Variants in ZFAND3 observed in about 807,000 individuals in gnomAD.
ZFAND3 encodes the protein AN1-type zinc finger protein 3.
Under a neutral mutation model 29.6 loss-of-function variants are expected in ZFAND3, and 10 were observed. The observed-to-expected ratio is 0.34, with a 90% confidence interval of 0.21 to 0.57. The LOEUF (loss-of-function observed/expected upper bound fraction) is 0.57. ZFAND3 is among the 20% of genes least tolerant of loss of function. The probability of loss-of-function intolerance (pLI) is 0.86; values close to 1 mark genes in which losing one functional copy is unlikely to be tolerated. For missense variants in ZFAND3, 230 were observed against 304.5 expected, an observed-to-expected ratio of 0.76 and a Z score of 1.82; for synonymous variants, 128 against 112.6, an observed-to-expected ratio of 1.14 and a Z score of -0.87.
At chr6:38,090,955 A>G (rs1764855606) in intron 4 of ZFAND3, among the ~76,000 whole-genome samples, 1 of 152,204 alleles carries the variant, frequency 6.6e-6, no homozygotes, top group Non-Finnish European at 1.5e-5. Context: ...AGCACAATGT[A>G]TAATGTGTCA....
rs372399890 is a variant in ZFAND3 at position 37,971,066 on chromosome 6, C to T, written c.112+41067C>T. On this transcript the variant is annotated intron_variant, in intron 2 of 5. Transcript: ENST00000287218. The stretch of plus-strand genomic sequence containing the variant: ...TGATGTTGATACAAGTGTATTTGTT[C>T]ACAGAGATTTGAGCATATTCCTTTC... Among the ~76,000 whole-genome samples, 5 of 152,266 alleles carry T rather than the reference C, an allele frequency of 3.3e-5. No homozygotes were observed. The East Asian group carries it at 7.7e-4, about 23-fold the overall frequency.
chr6:37,844,070 G>T (rs563104622), intron 1 of ZFAND3, among the ~76,000 whole-genome samples: 43 of 151,784 alleles, frequency 2.8e-4, no homozygotes, highest in Admixed American at 1.7e-3. Flanking sequence ...AGACCACCAC[G>T]CCTGGCTTTT....
At chr6:38,032,308 C>T (rs1763577155) in intron 2 of ZFAND3, among the ~76,000 whole-genome samples, 1 of 151,984 alleles carries the variant, frequency 6.6e-6, no homozygotes, top group East Asian at 1.9e-4. Flanking sequence ...GCTAAAAGGA[C>T]GTATTATAAT....
chr6:37,836,835 T>A (rs889916109), intron 1 of ZFAND3, among the ~76,000 whole-genome samples: 16 of 152,222 alleles, frequency 1.1e-4, no homozygotes, highest in Admixed American at 3.9e-4. Flanking sequence ...TTCTAGGTTC[T>A]GGCAGACAAG....
At chr6:37,894,292 GAA>G (rs1473997542) in intron 1 of ZFAND3, among the ~76,000 whole-genome samples, 1 of 152,088 alleles carries the variant, frequency 6.6e-6, no homozygotes, top group African/African-American at 2.4e-5. Flanking sequence ...CGAATAATTA[GAA>G]AAGTCTGTTT....
chr6:37,922,690 A>G (rs1451953633), intron 1 of ZFAND3, among the ~76,000 whole-genome samples: 1 of 152,226 alleles, frequency 6.6e-6, no homozygotes, highest in Non-Finnish European at 1.5e-5. Flanking sequence ...ACAAACCTGT[A>G]GAACATGTTA....
intron 1 of ZFAND3, among the ~76,000 whole-genome samples, chr6:37,852,717 CTTTTTTTTT>C (rs957782122): frequency 1.4e-5 from 2 of 138,252 alleles, no homozygotes; most frequent in Admixed American, 7.3e-5. Flanking sequence ...TTTTTCTTTT[CTTTTTTTTT>C]TTTTTTAAAG....
At chr6:38,051,151 ACCCAGTCCCACCACCTAGGCTTTT>A (rs1178962468) in intron 2 of ZFAND3, among the ~76,000 whole-genome samples, 4 of 152,020 alleles carry the variant, frequency 2.6e-5, no homozygotes, top group African/African-American at 7.2e-5. Context: ...CCACCGCTCT[ACCCAGTCCCACCACCTAGGCTTTT>A]CCCAGTCCCA....
intron 1 of ZFAND3, among the ~76,000 whole-genome samples, chr6:37,903,858 G>A (rs927293717): frequency 1.3e-5 from 2 of 152,140 alleles, no homozygotes; most frequent in Non-Finnish European, 2.9e-5. Context: ...TTTATGAGGT[G>A]AGAGGTTTTT....
At chr6:38,107,190 A>G (rs1004455469) in intron 4 of ZFAND3, among the ~76,000 whole-genome samples, 7 of 152,166 alleles carry the variant, frequency 4.6e-5, no homozygotes, top group African/African-American at 7.2e-5. Flanking sequence ...GCTGGGTTCA[A>G]TTTCAGTCAC....
Position 38,154,137 on chromosome 6 carries a change from TTTACCACTGC to T in ZFAND3, c.*1750_*1759del. The stretch of plus-strand genomic sequence containing the variant: ...GCAGAGGGGCCAGGTCTGCCCAGCG[TTTACCACTGC>T]TGTCAAGCCACAGCCCTTGGCCACC... On this transcript the variant is annotated 3_prime_UTR_variant, in exon 6 of 6. Coordinates refer to ENST00000287218, the MANE Select transcript of ZFAND3 (RefSeq NM_021943.3). 3.0e-6 allele frequency: 3 copies of T among 985,540 alleles called. No individual in the cohort carries two copies. The highest frequency in any genetic ancestry group is 3.6e-6 in the Non-Finnish European group (3 of 830,014). The allele number at this position is 985,540 out of a possible 1,614,324, so 61.0% of individuals were successfully genotyped here.
chr6:37,908,626 C>T (rs1044909092), intron 1 of ZFAND3, among the ~76,000 whole-genome samples: 2 of 150,782 alleles, frequency 1.3e-5, no homozygotes, highest in Non-Finnish European at 1.5e-5. Context: ...GGAGAGTGGC[C>T]CACTCAGGAA....
intron 4 of ZFAND3, among the ~76,000 whole-genome samples, chr6:38,096,050 G>A (rs1764971536): frequency 6.6e-6 from 1 of 152,024 alleles, no homozygotes; most frequent in Admixed American, 6.6e-5. Flanking sequence ...AAAAGTAATT[G>A]CATTCTTGTC....
chr6:37,854,768 C>G (rs913414821), intron 1 of ZFAND3, among the ~76,000 whole-genome samples: 1 of 119,186 alleles, frequency 8.4e-6, no homozygotes, highest in Non-Finnish European at 1.9e-5. Flanking sequence ...TAAAATGCCC[C>G]CCCCCCCCTT....
chr6:37,991,341 T>C (rs978023352), intron 2 of ZFAND3, among the ~76,000 whole-genome samples: 1 of 151,776 alleles, frequency 6.6e-6, no homozygotes, highest in African/African-American at 2.4e-5. Flanking sequence ...AAAATTTATT[T>C]TATTATTTAT....
intron 1 of ZFAND3, among the ~76,000 whole-genome samples, chr6:37,838,951 C>T (rs922394010): frequency 6.6e-6 from 1 of 152,166 alleles, no homozygotes; most frequent in Non-Finnish European, 1.5e-5. Context: ...ATGAAGACTC[C>T]AGTTTCTTCA....
intron 2 of ZFAND3, among the ~76,000 whole-genome samples, chr6:38,013,727 TA>T (rs146912961): frequency 2.9e-4 from 43 of 146,916 alleles, no homozygotes; most frequent in Non-Finnish European, 5.7e-4. Context: ...ACTGGAGAGT[TA>T]AAAAAAAAAC....
At chr6:37,933,501 G>A (rs1761636310) in intron 2 of ZFAND3, among the ~76,000 whole-genome samples, 3 of 152,098 alleles carry the variant, frequency 2.0e-5, no homozygotes, top group Admixed American at 2.0e-4. Context: ...AATATTCTTG[G>A]GATGTTTGAA....
At chr6:37,838,640 G>T (rs1764013394) in intron 1 of ZFAND3, among the ~76,000 whole-genome samples, 1 of 152,284 alleles carries the variant, frequency 6.6e-6, no homozygotes, top group East Asian at 1.9e-4. Flanking sequence ...GTTCTTCCAT[G>T]TTGTAGTGTA....
Sources: allele counts gnomAD v4.1 joint callset (sites outside exome capture counted in the v4.1 genomes callset), GRCh38; gene constraint gnomAD v4.1.1; transcripts MANE v1.5; gene names NCBI Gene and HGNC (gene_info 2026-07-23, HGNC 2026-07-21).